Variants in APMAP observed in about 807,000 individuals in gnomAD.
APMAP encodes the protein adipocyte plasma membrane-associated protein.
Under a neutral mutation model 43.6 loss-of-function variants are expected in APMAP, and 33 were observed. The ratio of observed to expected loss-of-function variants is 0.76; its 90% confidence interval spans 0.57 to 1.01. The LOEUF is 1.01. APMAP is among the 50% of genes least tolerant of loss of function. The probability of loss-of-function intolerance (pLI) is 0.00; values close to 1 mark genes in which losing one functional copy is unlikely to be tolerated. For missense variants in APMAP, 498 were observed against 540.7 expected (o/e 0.92, Z 0.78); for synonymous variants, 224 against 216.7 (o/e 1.03, Z -0.30).
chr20:24,987,191 T>C (rs1228932626), intron 1 of APMAP, among the ~76,000 whole-genome samples: 1 of 152,204 alleles, frequency 6.6e-6, no homozygotes, highest in Admixed American at 6.5e-5. Context: ...GGCATGATCA[T>C]ATCTCACTGT....
chr20:24,983,983 C>T lies in APMAP; in HGVS notation c.132G>A (p.Leu44=), dbSNP rs752633141. 1.2e-6 allele frequency: 2 copies of T among 1,613,904 alleles called. No homozygotes were observed. The highest frequency in any genetic ancestry group is 1.1e-5 in the South Asian group (1 of 91,074). ...GAACGGTGAGAGAAACAGCCAGCAT[C>T]AAGAAGGTCACTCGGAAAACTCTGC... ...FSGRVFRVTF[L]MLAVSLTVPL... The change falls in exon 2 of 9, where the codon TTG becomes TTA. Residue 44 remains leucine (L), a synonymous_variant. Coordinates refer to ENST00000217456, the MANE Select transcript of APMAP (RefSeq NM_020531.3).
At chr20:24,973,195 T>C (rs936748824) in intron 4 of APMAP, among the ~76,000 whole-genome samples, 3 of 152,214 alleles carry the variant, frequency 2.0e-5, no homozygotes, top group African/African-American at 7.2e-5. Flanking sequence ...ACTCTAGTTT[T>C]CCAAAATTTG....
chr20:24,991,134 C>G (rs945988690), intron 1 of APMAP, among the ~76,000 whole-genome samples: 1 of 152,212 alleles, frequency 6.6e-6, no homozygotes, highest in East Asian at 1.9e-4. Flanking sequence ...ACTACCTAAC[C>G]GGTGCCCTCA....
At chr20:24,970,439 A>C in intron 5 of APMAP, 68 bp from the exon 6 acceptor site, 1 of 1,437,986 alleles carries the variant, frequency 7.0e-7, no homozygotes. Flanking sequence ...CAAAATATTA[A>C]CCAACCTAAC....
At chr20:24,965,070 C>T (rs894963682) in intron 8 of APMAP, among the ~76,000 whole-genome samples, 2 of 152,240 alleles carry the variant, frequency 1.3e-5, no homozygotes, top group Non-Finnish European at 2.9e-5. Flanking sequence ...GCTCTCAAAT[C>T]GCCATCTCCA....
chr20:24,981,075 A>C (rs984846298), intron 2 of APMAP, among the ~76,000 whole-genome samples: 2 of 152,226 alleles, frequency 1.3e-5, no homozygotes, highest in Admixed American at 1.3e-4. Flanking sequence ...GACAAAGAGA[A>C]GGATGGTCGC....
chr20:24,980,613 G>A (rs1483660796), intron 2 of APMAP, among the ~76,000 whole-genome samples: 1 of 151,380 alleles, frequency 6.6e-6, no homozygotes, highest in Non-Finnish European at 1.5e-5. Context: ...GCCGGGCAGT[G>A]CAGGGCCACC....
At chr20:24,982,216 C>T (rs6138444) in intron 2 of APMAP, among the ~76,000 whole-genome samples, 1 of 146,008 alleles carries the variant, frequency 6.8e-6, no homozygotes, top group Non-Finnish European at 1.5e-5. Context: ...TTGGCTGTGA[C>T]AGTTCCACTG....
At chr20:24,988,506 T>C (rs1307292400) in intron 1 of APMAP, among the ~76,000 whole-genome samples, 4 of 152,198 alleles carry the variant, frequency 2.6e-5, no homozygotes, top group Non-Finnish European at 5.9e-5. Context: ...TGTGTCCCAA[T>C]GCTGCGGGAT....
chr20:24,971,651 T>A, intron 4 of APMAP, 75 bp from the exon 5 acceptor site: 1 of 1,186,778 alleles, frequency 8.4e-7, no homozygotes, highest in Non-Finnish European at 1.3e-6. Context: ...TCCAAGCATC[T>A]CATCCATCCC....
Position 24,971,253 on chromosome 20 carries a change from G to A in APMAP, c.538+207C>T, listed in dbSNP as rs6132776. Among the ~76,000 whole-genome samples, 110 of 152,266 alleles carry A rather than the reference G, an allele frequency of 7.2e-4. No homozygotes were observed. The East Asian group carries it at 0.018, about 25-fold the overall frequency. On this transcript the variant is annotated intron_variant, in intron 5 of 8. Transcript: ENST00000217456. ...AAATACTAGGAGGAAATTAGGATAC[G>A]GACCAAATGGAATCATGGGTAGGGA...
intron 8 of APMAP, chr20:24,964,424 G>A (rs763882064): frequency 5.5e-5 from 26 of 469,086 alleles, no homozygotes; most frequent in South Asian, 4.1e-4. Flanking sequence ...CTTCTGTTTA[G>A]ATTTAAAACA....
At chr20:24,968,176 C>T (rs2087962276) in intron 8 of APMAP, among the ~76,000 whole-genome samples, 2 of 152,176 alleles carry the variant, frequency 1.3e-5, no homozygotes, top group African/African-American at 2.4e-5. Flanking sequence ...ACAGTGTAAA[C>T]GTGCTGAGTT....
intron 6 of APMAP, 114 bp from the exon 7 acceptor site, chr20:24,969,774 C>T: frequency 7.3e-7 from 1 of 1,371,732 alleles, no homozygotes; most frequent in South Asian, 1.4e-5. Flanking sequence ...GCAACAGGCC[C>T]TGGGTGCCCT....
At chr20:24,965,847 T>C (rs2122478582) in intron 8 of APMAP, among the ~76,000 whole-genome samples, 1 of 152,326 alleles carries the variant, frequency 6.6e-6, no homozygotes, top group South Asian at 2.1e-4. Flanking sequence ...GGTTTCTCAC[T>C]GTTGGAGAGG....
intron 2 of APMAP, among the ~76,000 whole-genome samples, chr20:24,983,364 T>C (rs558661243): frequency 3.3e-5 from 5 of 152,330 alleles, no homozygotes; most frequent in Non-Finnish European, 5.9e-5. Flanking sequence ...ATGGAAGTCA[T>C]AGATCGTCAC....
intron 3 of APMAP, among the ~76,000 whole-genome samples, chr20:24,976,652 T>G (rs2088052367): frequency 6.6e-6 from 1 of 152,198 alleles, no homozygotes; most frequent in Non-Finnish European, 1.5e-5. Flanking sequence ...ACTTAACTCT[T>G]ACCATACAAT....
intron 2 of APMAP, among the ~76,000 whole-genome samples, chr20:24,979,730 G>A (rs906007382): frequency 3.3e-5 from 5 of 151,886 alleles, no homozygotes; most frequent in African/African-American, 1.2e-4. Flanking sequence ...CCCCACAATG[G>A]CCCCCTCTCA....
intron 1 of APMAP, among the ~76,000 whole-genome samples, chr20:24,986,715 A>C (rs565917569): frequency 6.6e-6 from 1 of 152,326 alleles, no homozygotes; most frequent in Non-Finnish European, 1.5e-5. Context: ...GGAACCAGGT[A>C]TCTCTCTCCT....
Sources: gnomAD v4.1 joint callset for allele counts (sites outside exome capture counted in the v4.1 genomes callset) on GRCh38, gnomAD v4.1.1 for gene constraint, MANE v1.5 for transcripts, NCBI Gene and HGNC (gene_info 2026-07-23, HGNC 2026-07-21) for gene names.